WWOX: variants seen among roughly 807,000 people sequenced by gnomAD.
The protein encoded by WWOX is WW domain containing oxidoreductase.
Under a neutral mutation model 46.2 loss-of-function variants are expected in WWOX, and 69 were observed. The ratio of observed to expected loss-of-function variants is 1.49; its 90% CI spans 1.23 to 1.82. WWOX has a LOEUF of 1.82. Ranked by LOEUF, WWOX falls within the 40% of genes most tolerant of loss-of-function variation. The pLI is 0.00. For missense variants in WWOX, 919 were observed against 542.6 expected (o/e 1.69, Z -6.89); for synonymous variants, 359 against 202.6 (o/e 1.77, Z -6.56).
In WWOX at chr16:79,073,768, G is replaced by C. The variant is rs554623111; in HGVS notation, c.1057-137840G>C. Among the ~76,000 whole-genome samples the C allele has an allele frequency of 2.3e-3, 351 of 152,156 alleles. 3 individuals carry two copies. Among genetic ancestry groups the C allele is most frequent in the African/African-American group, 8.0e-3 (333 of 41,502 alleles). On this transcript the variant is annotated intron_variant, in intron 8 of 8. Transcript: ENST00000566780. ...CTGTCGTATCTCAGGGCTTCCGTAG[G>C]GTTTATAACTGATCCACTGAGAGAT...
At chr16:79,182,689 C>A (rs1035265405) in intron 8 of WWOX, among the ~76,000 whole-genome samples, 1 of 152,180 alleles carries the variant, frequency 6.6e-6, no homozygotes, top group Non-Finnish European at 1.5e-5. Context: ...AGTTATTAAC[C>A]TCTTTATGCC....
chr16:78,521,970 C>G (rs2043357471), intron 8 of WWOX, among the ~76,000 whole-genome samples: 2 of 151,878 alleles, frequency 1.3e-5, no homozygotes, highest in South Asian at 4.2e-4. Context: ...TCACAGCAGG[C>G]CCATTTTGCA....
chr16:78,904,006 A>G (rs940087608), intron 8 of WWOX, among the ~76,000 whole-genome samples: 8 of 152,160 alleles, frequency 5.3e-5, no homozygotes, highest in Admixed American at 2.6e-4. Flanking sequence ...CCTATAAGCT[A>G]TAATCATATA....
At chr16:78,577,063 G>A (rs1344275010) in intron 8 of WWOX, among the ~76,000 whole-genome samples, 3 of 152,112 alleles carry the variant, frequency 2.0e-5, no homozygotes, top group Non-Finnish European at 2.9e-5. Context: ...TCATTCTATA[G>A]CTCAGGTTGA....
At chr16:78,982,681 C>T (rs1482458482) in intron 8 of WWOX, among the ~76,000 whole-genome samples, 1 of 152,156 alleles carries the variant, frequency 6.6e-6, no homozygotes, top group Non-Finnish European at 1.5e-5. Flanking sequence ...ATATTTTAGA[C>T]CGGGCTCCTC....
chr16:78,134,980 G>A (rs751798764), intron 4 of WWOX, among the ~76,000 whole-genome samples: 1 of 152,204 alleles, frequency 6.6e-6, no homozygotes, highest in Non-Finnish European at 1.5e-5. Flanking sequence ...CAGTGAGAAC[G>A]GGAGAGGGCA....
intron 8 of WWOX, among the ~76,000 whole-genome samples, chr16:78,957,727 GA>G (rs1405157849): frequency 7.9e-5 from 12 of 152,218 alleles, no homozygotes; most frequent in Non-Finnish European, 1.6e-4. Flanking sequence ...GTTAGGAGAA[GA>G]ACTTTTCTTT....
chr16:78,457,379 C>T (rs775982629), intron 8 of WWOX, among the ~76,000 whole-genome samples: 1 of 152,192 alleles, frequency 6.6e-6, no homozygotes, highest in East Asian at 1.9e-4. Flanking sequence ...AAGTACAGGT[C>T]TTTAGATAGA....
chr16:78,903,285 A>G (rs1210623108), intron 8 of WWOX, among the ~76,000 whole-genome samples: 2 of 152,214 alleles, frequency 1.3e-5, no homozygotes, highest in East Asian at 3.8e-4. Context: ...TGAAGTTACA[A>G]ATATCACACT....
At chr16:78,131,409 C>G (rs1488840867) in intron 4 of WWOX, among the ~76,000 whole-genome samples, 1 of 151,916 alleles carries the variant, frequency 6.6e-6, no homozygotes, top group Non-Finnish European at 1.5e-5. Flanking sequence ...GAGATGAGGT[C>G]TTGCTATGTT....
Position 78,105,953 on chromosome 16 carries a change from C to T in WWOX, c.108-2470C>T, listed in dbSNP as rs563662102. The stretch of plus-strand genomic sequence containing the variant: ...AGTAGCTGGGATTACAGGCATGTGC[C>T]ACCATGTCTGTCTAATTTTTGTATT... On this transcript the variant is annotated intron_variant, in intron 1 of 8. Transcript: ENST00000566780. Among the ~76,000 whole-genome samples the T allele has an allele frequency of 2.0e-5, 3 of 152,288 alleles. No individual in the cohort carries two copies. The South Asian group carries it at 6.2e-4, about 32-fold the overall frequency.
chr16:78,315,700 C>T (rs930296769), intron 5 of WWOX, among the ~76,000 whole-genome samples: 1 of 152,088 alleles, frequency 6.6e-6, no homozygotes, highest in Non-Finnish European at 1.5e-5. Flanking sequence ...GGAAAACAAT[C>T]ATTTCTTGTG....
chr16:78,440,836 C>G (rs936340302), intron 8 of WWOX, among the ~76,000 whole-genome samples: 2 of 152,140 alleles, frequency 1.3e-5, no homozygotes, highest in Non-Finnish European at 2.9e-5. Context: ...CCAGGCTGGT[C>G]TCAAACTCCT....
intron 5 of WWOX, among the ~76,000 whole-genome samples, chr16:78,175,350 A>C (rs2035305999): frequency 6.6e-6 from 1 of 152,212 alleles, no homozygotes; most frequent in African/African-American, 2.4e-5. Flanking sequence ...GTCTGTCCAC[A>C]AATTCTTTGA....
chr16:78,779,778 T>A (rs1413186493), intron 8 of WWOX, among the ~76,000 whole-genome samples: 1 of 152,060 alleles, frequency 6.6e-6, no homozygotes. Flanking sequence ...GTGGCAGAGG[T>A]GGGATCTAGA....
chr16:79,047,368 G>C (rs920780985), intron 8 of WWOX, among the ~76,000 whole-genome samples: 5 of 152,172 alleles, frequency 3.3e-5, no homozygotes, highest in African/African-American at 1.2e-4. Context: ...TAATGAATTT[G>C]ACAAGGCCAG....
chr16:79,212,012 A>ACC lies in WWOX; in HGVS notation c.*216_*217insCC. ...ACTTTTCTGGGGCTGGGCTAGGCAT[A>ACC]GGTCTCTTTGCTTTCTGGTGGTGGC... On this transcript the variant is annotated 3_prime_UTR_variant, in exon 9 of 9. Coordinates refer to ENST00000566780, the MANE Select transcript of WWOX (RefSeq NM_016373.4). The ACC allele has an allele frequency of 1.3e-6, 2 of 1,536,260 alleles. No homozygotes were observed. The highest frequency in any genetic ancestry group is 1.7e-6 in the Non-Finnish European group (2 of 1,146,914).
At chr16:78,427,152 C>T (rs1245526262) in intron 7 of WWOX, among the ~76,000 whole-genome samples, 1 of 152,148 alleles carries the variant, frequency 6.6e-6, no homozygotes, top group Non-Finnish European at 1.5e-5. Flanking sequence ...AATGCAAGTG[C>T]TGATATCTAA....
chr16:78,203,885 G>T (rs2151779012), intron 5 of WWOX, among the ~76,000 whole-genome samples: 1 of 152,328 alleles, frequency 6.6e-6, no homozygotes, highest in Non-Finnish European at 1.5e-5. Context: ...AGAGCCCTGT[G>T]CATGGCTTTT....
Sources: gnomAD v4.1 joint callset for allele counts (sites outside exome capture counted in the v4.1 genomes callset) on GRCh38, gnomAD v4.1.1 for gene constraint, MANE v1.5 for transcripts, NCBI Gene and HGNC (gene_info 2026-07-23, HGNC 2026-07-21) for gene names.